Variants in LRRC40 observed in about 807,000 individuals in gnomAD.
LRRC40 encodes the protein leucine-rich repeat-containing protein 40.
Under a neutral mutation model 72.8 loss-of-function variants are expected in LRRC40, and 76 were observed. The ratio of observed to expected loss-of-function variants is 1.04; its 90% CI spans 0.87 to 1.26. The LOEUF (loss-of-function observed/expected upper bound fraction) is 1.26. LRRC40 is among the 50% of genes most tolerant of loss of function. The pLI, the probability that LRRC40 is intolerant of heterozygous loss-of-function variation, is 0.00. For missense variants in LRRC40, 684 were observed against 698.9 expected, an observed-to-expected ratio of 0.98 and a Z score of 0.24; for synonymous variants, 243 against 254.2, an observed-to-expected ratio of 0.96 and a Z score of 0.42.
At chr1:70,179,644 A>C (rs967970738) in intron 5 of LRRC40, among the ~76,000 whole-genome samples, 1 of 152,184 alleles carries the variant, frequency 6.6e-6, no homozygotes, top group African/African-American at 2.4e-5. Context: ...CTATAAACTC[A>C]AATGTATTTT....
intron 7 of LRRC40, among the ~76,000 whole-genome samples, 200 bp downstream of exon 7, chr1:70,175,610 T>C (rs941011109): frequency 1.3e-5 from 2 of 152,180 alleles, no homozygotes; most frequent in Non-Finnish European, 2.9e-5. Context: ...CATAAATATG[T>C]CTGCTTCTAT....
intron 7 of LRRC40, among the ~76,000 whole-genome samples, chr1:70,175,034 G>C (rs535382480): frequency 9.2e-5 from 14 of 152,130 alleles, no homozygotes; most frequent in African/African-American, 3.1e-4. Context: ...GGGCTTTACA[G>C]GGGAGAAGGG....
chr1:70,154,504 A>G (rs1490763101), intron 11 of LRRC40, among the ~76,000 whole-genome samples: 1 of 152,222 alleles, frequency 6.6e-6, no homozygotes, highest in African/African-American at 2.4e-5. Context: ...CAATTCTATC[A>G]AATATCCTCT....
intron 1 of LRRC40, among the ~76,000 whole-genome samples, chr1:70,192,422 T>C (rs1411410645): frequency 2.0e-5 from 3 of 151,956 alleles, no homozygotes; most frequent in Non-Finnish European, 4.4e-5. Flanking sequence ...CTCAAAGAGG[T>C]AAAAACAGAA....
chr1:70,171,574 A>G (rs1442727248), intron 9 of LRRC40, among the ~76,000 whole-genome samples: 1 of 152,170 alleles, frequency 6.6e-6, no homozygotes, highest in Admixed American at 6.6e-5. Context: ...AATAAAGCAC[A>G]GGAAAAGATG....
chr1:70,149,044 T>C (rs1255993574), intron 13 of LRRC40, among the ~76,000 whole-genome samples: 3 of 152,186 alleles, frequency 2.0e-5, no homozygotes, highest in East Asian at 3.9e-4. Context: ...ACTCCCAATA[T>C]ATTAAGTAAA....
chr1:70,186,484 A>C lies in LRRC40; in HGVS notation c.407+781T>G, dbSNP rs908017865. ...CCACCAAATAAGGAGTGTTACTGGGAGGGACTATTTTCCCTCAAACCAGTT... is the reference window on the plus strand; with the variant it reads ...CCACCAAATAAGGAGTGTTACTGGGCGGGACTATTTTCCCTCAAACCAGTT... On this transcript the variant is annotated intron_variant, in intron 3 of 14. Coordinates refer to ENST00000370952, the MANE Select transcript of LRRC40 (RefSeq NM_017768.5). Among the ~76,000 whole-genome samples, 36 of 152,174 alleles carry C rather than the reference A, an allele frequency of 2.4e-4. 1 individual carries two copies. Among genetic ancestry groups the C allele is most frequent in the Admixed American group, 1.8e-3 (27 of 15,268 alleles).
intron 1 of LRRC40, among the ~76,000 whole-genome samples, chr1:70,201,487 T>G (rs948191395): frequency 2.6e-5 from 4 of 152,066 alleles, no homozygotes; most frequent in Non-Finnish European, 5.9e-5. Flanking sequence ...CATTGAACAA[T>G]CAGTTGCTGA....
chr1:70,184,750 C>A (rs745443274), intron 4 of LRRC40, 35 bp downstream of exon 4: 2 of 1,570,822 alleles, frequency 1.3e-6, no homozygotes, highest in Non-Finnish European at 1.7e-6. Flanking sequence ...CCCACCAGCC[C>A]CAAATTGTAC....
At chr1:70,151,842 G>A (rs1048255231) in intron 12 of LRRC40, 2 of 151,818 alleles carry the variant, frequency 1.3e-5, no homozygotes, top group Non-Finnish European at 2.9e-5. Context: ...AAAGGTAAAA[G>A]GATTTTAGGA....
At chr1:70,154,398 G>A (rs1283137157) in intron 11 of LRRC40, among the ~76,000 whole-genome samples, 5 of 152,124 alleles carry the variant, frequency 3.3e-5, no homozygotes, top group African/African-American at 1.2e-4. Context: ...AATAAGTAAT[G>A]TCTCTTAAGT....
chr1:70,186,440 A>C (rs1261530662), intron 3 of LRRC40, among the ~76,000 whole-genome samples: 2 of 152,190 alleles, frequency 1.3e-5, no homozygotes, highest in African/African-American at 2.4e-5. Context: ...TTCATTGGCC[A>C]ATGGTAATTT....
chr1:70,156,832 A>G (rs1349445496), intron 10 of LRRC40, among the ~76,000 whole-genome samples: 1 of 152,184 alleles, frequency 6.6e-6, no homozygotes, highest in Non-Finnish European at 1.5e-5. Context: ...CAGAATGTGC[A>G]CAATTTAAAA....
intron 4 of LRRC40, among the ~76,000 whole-genome samples, chr1:70,182,668 CATAA>C (rs1366675156): frequency 1.3e-5 from 2 of 151,954 alleles, no homozygotes; most frequent in African/African-American, 2.4e-5. Context: ...AGATATAAAA[CATAA>C]ATACACTATA....
At chr1:70,202,031 A>T (rs1381710099) in intron 1 of LRRC40, among the ~76,000 whole-genome samples, 1 of 152,174 alleles carries the variant, frequency 6.6e-6, no homozygotes, top group African/African-American at 2.4e-5. Flanking sequence ...AAAATGGCCA[A>T]AATCCAAAAA....
At chr1:70,187,892 G>GAGAAGAGAAGAGAAT (rs1668402935) in intron 2 of LRRC40, among the ~76,000 whole-genome samples, 1 of 151,638 alleles carries the variant, frequency 6.6e-6, no homozygotes, top group African/African-American at 2.4e-5. Context: ...GAGAAGAGAA[G>GAGAAGAGAAGAGAAT]AGAAGTCATG....
At chr1:70,167,759 T>C (rs1667919728) in intron 9 of LRRC40, among the ~76,000 whole-genome samples, 1 of 151,778 alleles carries the variant, frequency 6.6e-6, no homozygotes, top group Admixed American at 6.6e-5. Context: ...GGACTACAGG[T>C]GTGTGCCACC....
At chr1:70,166,833 T>A (rs1457458360) in intron 9 of LRRC40, among the ~76,000 whole-genome samples, 2 of 152,068 alleles carry the variant, frequency 1.3e-5, no homozygotes, top group Admixed American at 6.5e-5. Flanking sequence ...TACATGCATT[T>A]GTTTTTGGCT....
chr1:70,150,898 G>A (rs1667466301), intron 13 of LRRC40, among the ~76,000 whole-genome samples: 1 of 151,992 alleles, frequency 6.6e-6, no homozygotes, highest in Admixed American at 6.6e-5. Flanking sequence ...GTCTTTTTAG[G>A]CCACAGGTTT....
Sources: gnomAD v4.1 joint callset for allele counts (sites outside exome capture counted in the v4.1 genomes callset) on GRCh38, gnomAD v4.1.1 for gene constraint, MANE v1.5 for transcripts, NCBI Gene and HGNC (gene_info 2026-07-23, HGNC 2026-07-21) for gene names.